Variants in EED observed in about 807,000 individuals in gnomAD.
The protein encoded by EED is polycomb protein EED.
A neutral mutation model predicts 61.0 loss-of-function variants in EED; 9 were observed. That is an observed-to-expected ratio of 0.15 (90% CI 0.09 to 0.26). The LOEUF is 0.26. Among genes scored for constraint, EED ranks in the 10% least tolerant of loss-of-function variants. The pLI, the probability that EED is intolerant of heterozygous loss-of-function variation, is 1.00. For missense variants in EED, 315 were observed against 542.3 expected (o/e 0.58, Z 4.16); for synonymous variants, 187 against 174.4 (o/e 1.07, Z -0.57).
At chr11:86,251,883 A>G (rs565280505) in intron 2 of EED, among the ~76,000 whole-genome samples, 40 of 152,340 alleles carry the variant, frequency 2.6e-4, no homozygotes, top group African/African-American at 9.1e-4. Flanking sequence ...GGCAAATATT[A>G]TAAGTGTTTT....
downstream of EED, among the ~76,000 whole-genome samples, chr11:86,283,412 A>G (rs990661761): frequency 2.0e-5 from 3 of 152,138 alleles, no homozygotes; most frequent in Non-Finnish European, 4.4e-5. Context: ...TCTCCATTTC[A>G]ATTATCACCT....
intron 6 of EED, among the ~76,000 whole-genome samples, chr11:86,259,866 C>G (rs1400276610): frequency 6.6e-6 from 1 of 152,150 alleles, no homozygotes; most frequent in Non-Finnish European, 1.5e-5. Context: ...TTGACTGGCA[C>G]AAGAAGAAAT....
chr11:86,265,121 C>T (rs144130093), intron 7 of EED: 1 of 152,232 alleles, frequency 6.6e-6, no homozygotes, highest in African/African-American at 2.4e-5. Context: ...TTAATAACTC[C>T]AAATTAGTGG....
In EED at chr11:86,252,252, G is replaced by C. The variant is rs369539331; in HGVS notation, c.360+12G>C. On this transcript the variant is annotated intron_variant, in intron 3 of 11. Coordinates refer to ENST00000263360, the MANE Select transcript of EED (RefSeq NM_003797.5). ...TAGGAAGCAACAGAGTGAGTGTTAA[G>C]GGGTCTATTTAGTATTTGGCTTGAT... 3 of 1,582,272 alleles carry C rather than the reference G, an allele frequency of 1.9e-6. No individual in the cohort carries two copies. The highest frequency in any genetic ancestry group is 2.7e-5 in the African/African-American group (2 of 74,444).
chr11:86,258,248 TAATA>T (rs1945727125), intron 6 of EED, among the ~76,000 whole-genome samples: 1 of 152,344 alleles, frequency 6.6e-6, no homozygotes, highest in South Asian at 2.1e-4. Flanking sequence ...AATCATGTAA[TAATA>T]AATACTACAT....
At chr11:86,249,200 CTAA>C (rs1945464461) in intron 1 of EED, among the ~76,000 whole-genome samples, 1 of 152,086 alleles carries the variant, frequency 6.6e-6, no homozygotes, top group Admixed American at 6.5e-5. Context: ...TCTGTAAAGA[CTAA>C]TGATATTCAC....
At chr11:86,260,110 T>C (rs1945788640) in intron 6 of EED, among the ~76,000 whole-genome samples, 1 of 152,238 alleles carries the variant, frequency 6.6e-6, no homozygotes, top group Admixed American at 6.5e-5. Flanking sequence ...GCACTGTTAA[T>C]TTTCACATGT....
chr11:86,280,586 G>A (rs1946311335), downstream of EED, among the ~76,000 whole-genome samples: 1 of 152,010 alleles, frequency 6.6e-6, no homozygotes, highest in South Asian at 2.1e-4. Flanking sequence ...TATTCTCAAG[G>A]GTCTTAGAAG....
intron 9 of EED, among the ~76,000 whole-genome samples, chr11:86,270,870 C>T (rs1022374239): frequency 1.4e-4 from 21 of 152,294 alleles, no homozygotes; most frequent in Admixed American, 2.6e-4. Context: ...TCTGTTTCAT[C>T]TGTATATCTG....
At position 86,245,306 on chromosome 11, in the gene EED, A is replaced by G; in HGVS notation, c.77A>G (p.Asp26Gly). 6.2e-7 allele frequency: 1 copy of G among 1,613,502 alleles called. No homozygotes were observed. The highest frequency in any genetic ancestry group is 8.5e-7 in the Non-Finnish European group (1 of 1,179,934). ...GCCAAGAAGCAGAAGCTGAGCAGTG[A>G]CGAGAACAGCAATCCAGACCTCTCT... ...PAAKKQKLSS[D>G]ENSNPDLSGD... The change falls in exon 1 of 12, where the codon GAC becomes GGC. Residue 26 changes from aspartate (D) to glycine (G), a missense_variant. Coordinates refer to ENST00000263360, the MANE Select transcript of EED (RefSeq NM_003797.5).
intron 4 of EED, among the ~76,000 whole-genome samples, chr11:86,255,751 AAAAT>A (rs1367534871): frequency 1.1e-4 from 16 of 150,782 alleles, no homozygotes; most frequent in African/African-American, 3.6e-4. Context: ...AAAATATATA[AAAAT>A]AAAATAAAAT....
At chr11:86,248,216 A>G (rs1478937238) in intron 1 of EED, among the ~76,000 whole-genome samples, 1 of 152,240 alleles carries the variant, frequency 6.6e-6, no homozygotes, top group Non-Finnish European at 1.5e-5. Context: ...GACACTCAGC[A>G]AAGACTTGAT....
rs79774663 is a variant in EED at position 86,276,563 on chromosome 11, G to A, written c.967-417G>A. On this transcript the variant is annotated intron_variant, in intron 9 of 11. Transcript: ENST00000263360. ...CGAAATGGGAGACTGCATGGGGAAA[G>A]ATGAAACTAGTGAAGTAAGCAAGAG... is the stretch of plus-strand genomic sequence containing the variant. The A allele has an allele frequency of 8.5e-3, 1,301 of 153,034 alleles. 9 individuals are homozygous for A. The highest frequency in any genetic ancestry group is 0.015 in the Non-Finnish European group (1,018 of 68,558). 9.5% of individuals were successfully genotyped at this position (153,034 alleles called of 1,614,324 possible). A position where few individuals can be genotyped will look rare whatever the true frequency, so the allele number is the denominator to read the frequency against.
intron 2 of EED, 38 bp from the exon 3 acceptor site, chr11:86,252,110 A>C: frequency 1.3e-6 from 2 of 1,548,676 alleles, no homozygotes; most frequent in Non-Finnish European, 1.8e-6. Context: ...GGTTTGTAAG[A>C]TACATTAATC....
Position 86,255,267 on chromosome 11 carries a change from C to G in EED, c.406C>G (p.Gln136Glu). 1.2e-6 allele frequency: 2 copies of G among 1,609,802 alleles called. No individual in the cohort carries two copies. The highest frequency in any genetic ancestry group is 8.5e-7 in the Non-Finnish European group (1 of 1,176,932). ...CHSQGEIRLL[Q>E]SYVDADADEN... Reference sequence around the variant, plus strand: ...TTCACAAGGAGAAATCCGGTTGTTGCAATCTTACGTGGATGCTGATGTATC... The same window carrying G: ...TTCACAAGGAGAAATCCGGTTGTTGGAATCTTACGTGGATGCTGATGTATC... Residue 136 changes from glutamine (Q) to glutamate (E), a missense_variant, in exon 4 of 12, where the codon CAA becomes GAA. This residue lies in a region of EED where 205 missense variants were observed against 455.4 expected (regional missense o/e 0.45). Coordinates refer to ENST00000263360, the MANE Select transcript of EED (RefSeq NM_003797.5).
At chr11:86,247,285 TAG>T (rs1228110091) in intron 1 of EED, among the ~76,000 whole-genome samples, 1 of 152,224 alleles carries the variant, frequency 6.6e-6, no homozygotes, top group South Asian at 2.1e-4. Flanking sequence ...CTTAATCTTG[TAG>T]AGTCTTCTCA....
chr11:86,255,260 G>T lies in EED; in HGVS notation c.399G>T (p.Arg133=). The part of the protein sequence containing the change: ...LYECHSQGEI[R]LLQSYVDADA... The stretch of plus-strand genomic sequence containing the variant: ...AATGTCATTCACAAGGAGAAATCCG[G>T]TTGTTGCAATCTTACGTGGATGCTG... The change falls in exon 4 of 12, where the codon CGG becomes CGT. Residue 133 remains arginine (R), a synonymous_variant. Coordinates refer to ENST00000263360, the MANE Select transcript of EED (RefSeq NM_003797.5). 1 of 1,610,418 alleles carries T rather than the reference G, an allele frequency of 6.2e-7. No homozygotes were observed. Among genetic ancestry groups the T allele is most frequent in the Non-Finnish European group, 8.5e-7 (1 of 1,177,338 alleles).
At chr11:86,268,625 G>GTA in intron 9 of EED, 64 bp downstream of exon 9, 1 of 948,378 alleles carries the variant, frequency 1.1e-6, no homozygotes, top group East Asian at 2.9e-5. Context: ...GTGTGTGTGT[G>GTA]TATGTGTGTG....
chr11:86,257,273 A>G (rs1459461272), intron 5 of EED, among the ~76,000 whole-genome samples: 1 of 150,240 alleles, frequency 6.7e-6, no homozygotes, highest in Non-Finnish European at 1.5e-5. Context: ...CCTGACCTCA[A>G]GCGATTCTGC....
Sources: gnomAD v4.1 joint callset for allele counts (sites outside exome capture counted in the v4.1 genomes callset) on GRCh38, gnomAD v4.1.1 for gene constraint, gnomAD v4.1.1 regional missense constraint, MANE v1.5 for transcripts, NCBI Gene and HGNC (gene_info 2026-07-23, HGNC 2026-07-21) for gene names.